Variants in BEST3 observed in about 807,000 individuals in gnomAD.
The protein encoded by BEST3 is bestrophin 3, also known as bestrophin-3.
A neutral mutation model predicts 47.1 loss-of-function variants in BEST3; 50 were observed. That is an observed-to-expected ratio of 1.06 (90% CI 0.85 to 1.34). BEST3 has a LOEUF of 1.34. Ranked by LOEUF, BEST3 falls within the 40% of genes most tolerant of loss-of-function variation. The pLI, the probability that BEST3 is intolerant of heterozygous loss-of-function variation, is 0.00. For missense variants in BEST3, 765 were observed against 817.0 expected (o/e 0.94, Z 0.78); for synonymous variants, 282 against 298.8 (o/e 0.94, Z 0.58).
chr12:69,663,940 T>C (rs1213616434), intron 9 of BEST3, among the ~76,000 whole-genome samples: 1 of 152,180 alleles, frequency 6.6e-6, no homozygotes, highest in Non-Finnish European at 1.5e-5. Context: ...GGATCCCACA[T>C]GAGATAATGG....
rs1468087856 is a variant in BEST3, at chr12:69,655,375, G to A, written c.1539C>T (p.Pro513=). Residue 513 remains proline (P), a synonymous_variant, in exon 10 of 10, where the codon CCC becomes CCT. Coordinates refer to ENST00000330891, the MANE Select transcript of BEST3 (RefSeq NM_032735.3). ...VLITAAEAPV[P]TSGGYHHDSA... is the part of the protein sequence containing the mutation. Reference sequence around the variant, plus strand: ...AATCATGGTGGTAGCCCCCTGATGTGGGCACTGGTGCTTCGGCTGCTGTGA... The same window carrying A: ...AATCATGGTGGTAGCCCCCTGATGTAGGCACTGGTGCTTCGGCTGCTGTGA... 6.2e-6 allele frequency: 10 copies of A among 1,614,062 alleles called. No homozygotes were observed. Among genetic ancestry groups the A allele is most frequent in the Non-Finnish European group, 8.5e-6 (10 of 1,180,002 alleles).
chr12:69,674,330 A>G (rs1884768634), intron 7 of BEST3, among the ~76,000 whole-genome samples: 1 of 152,148 alleles, frequency 6.6e-6, no homozygotes, highest in South Asian at 2.1e-4. Context: ...AGCTCTTAAA[A>G]AAACCCGATT....
intron 4 of BEST3, chr12:69,683,490 T>A (rs887543740): frequency 6.6e-6 from 1 of 152,196 alleles, no homozygotes; most frequent in Non-Finnish European, 1.5e-5. Flanking sequence ...TCTATTAAAG[T>A]CATTGCTCCA....
chr12:69,680,452 G>A (rs1243255687), intron 4 of BEST3, among the ~76,000 whole-genome samples: 1 of 151,764 alleles, frequency 6.6e-6, no homozygotes. Flanking sequence ...GGGACTACAG[G>A]CACCTGCCAC....
Position 69,655,595 on chromosome 12 carries a change from G to T in BEST3, c.1319C>A (p.Ser440Ter), listed in dbSNP as rs1383195606. The change falls in exon 10 of 10, where the codon TCA (serine) becomes TAA (stop). Residue 440 changes from serine (S) to a stop codon, truncating the protein, a stop_gained. Transcript: ENST00000330891. LOFTEE classifies it low-confidence loss of function (END_TRUNC). ...GGGTGAGGCCCTGGGGGGGTTTCTT[G>T]AGGGCACATCCAGTAGGTCCCTGGC... Reference protein sequence around the residue: ...SPARDLLDVPSRNPPRASPTW... With the variant: ...SPARDLLDVP 6.2e-7 allele frequency: 1 copy of T among 1,613,960 alleles called. No homozygotes were observed. Among genetic ancestry groups the T allele is most frequent in the South Asian group, 1.1e-5 (1 of 91,054 alleles).
Position 69,684,672 on chromosome 12 carries a change from A to C in BEST3, c.482-5779T>G, listed in dbSNP as rs565549615. ...CTCCAAGGGATGACACTTTTTCAGG[A>C]AGAGTGCAACGTGCCTGGCTTGTTT... On this transcript the variant is annotated intron_variant, in intron 4 of 9. Coordinates refer to ENST00000330891, the MANE Select transcript of BEST3 (RefSeq NM_032735.3). 176 of 586,856 alleles carry C rather than the reference A, an allele frequency of 3.0e-4. 2 individuals are homozygous for C. In the East Asian group the frequency reaches 4.9e-3, roughly 16 times the overall value. The allele number at this position is 586,856 out of a possible 1,614,324, so 36.4% of individuals were successfully genotyped here.
At chr12:69,664,711 A>G (rs1167831514) in intron 9 of BEST3, among the ~76,000 whole-genome samples, 1 of 147,944 alleles carries the variant, frequency 6.8e-6, no homozygotes. Flanking sequence ...ATATAAATAT[A>G]TATAATATAA....
intron 4 of BEST3, among the ~76,000 whole-genome samples, chr12:69,692,959 C>T (rs559160744): frequency 2.6e-5 from 4 of 152,272 alleles, no homozygotes; most frequent in African/African-American, 9.6e-5. Context: ...GACAGGGTTT[C>T]ACCATGTTGG....
downstream of BEST3, among the ~76,000 whole-genome samples, chr12:69,650,757 A>G (rs867966520): frequency 1.3e-5 from 2 of 152,226 alleles, no homozygotes; most frequent in Non-Finnish European, 2.9e-5. Context: ...ATGGAGACAC[A>G]TAATGGGTTA....
In BEST3 at chr12:69,694,250, T is replaced by C. The variant is rs1886047933; in HGVS notation, c.247+120A>G. 11 of 640,924 alleles carry C rather than the reference T, an allele frequency of 1.7e-5. No homozygotes were observed. In the South Asian group the frequency reaches 2.6e-4, roughly 15 times the overall value. 39.7% of individuals were successfully genotyped at this position (640,924 alleles called of 1,614,324 possible). ...AACCTTATGGATGATTCTGGTTCTA[T>C]TGCAAGCGGTGGCTTTTCAGGCATG... On this transcript the variant is annotated intron_variant, in intron 3 of 9. Coordinates refer to ENST00000330891, the MANE Select transcript of BEST3 (RefSeq NM_032735.3).
chr12:69,672,411 T>C (rs1208026292), intron 8 of BEST3, among the ~76,000 whole-genome samples: 2 of 152,224 alleles, frequency 1.3e-5, no homozygotes, highest in Non-Finnish European at 2.9e-5. Context: ...TTTAGTGCAT[T>C]TCATGCAGAT....
intron 9 of BEST3, among the ~76,000 whole-genome samples, chr12:69,658,551 A>ATT (rs1453334009): frequency 6.6e-6 from 1 of 152,226 alleles, no homozygotes; most frequent in African/African-American, 2.4e-5. Context: ...ACCCGACTAA[A>ATT]TTTATTGAGC....
intron 4 of BEST3, among the ~76,000 whole-genome samples, 179 bp from the exon 5 acceptor site, chr12:69,679,072 C>T (rs758559031): frequency 5.9e-4 from 89 of 152,044 alleles, no homozygotes; most frequent in Admixed American, 1.4e-3. Flanking sequence ...TGTGTGTGAG[C>T]GCACATGCAC....
At chr12:69,690,747 C>T (rs1330569749) in intron 4 of BEST3, among the ~76,000 whole-genome samples, 1 of 152,176 alleles carries the variant, frequency 6.6e-6, no homozygotes, top group African/African-American at 2.4e-5. Context: ...TTAGGTCTTT[C>T]TTAGAGACGG....
rs759060469 is a variant in BEST3 at position 69,655,482 on chromosome 12, T to G, written c.1432A>C (p.Thr478Pro). The change falls in exon 10 of 10, where the codon ACA (threonine) becomes CCA (proline). Residue 478 changes from threonine to proline, a missense_variant. Physicochemically the swap from Thr to Pro is conservative, Grantham distance 38 (BLOSUM62 -1). Coordinates refer to ENST00000330891, the MANE Select transcript of BEST3 (RefSeq NM_032735.3). The part of the protein sequence containing the change: ...ELSTIRETSQ[T>P]STLQSLTPQS... ...GGGGTCAGGCTCTGTAAAGTGCTTG[T>G]CTGGCTGGTCTCCCTGATGGTGGAC... The G allele has an allele frequency of 2.8e-5, 45 of 1,614,154 alleles. No homozygotes were observed. The highest frequency in any genetic ancestry group is 3.4e-5 in the Non-Finnish European group (40 of 1,180,012).
intron 9 of BEST3, among the ~76,000 whole-genome samples, chr12:69,667,537 C>T (rs935085019): frequency 2.6e-5 from 4 of 152,086 alleles, no homozygotes; most frequent in African/African-American, 9.7e-5. Context: ...CTCAACTGAT[C>T]CACCTGCCTC....
At position 69,684,993 on chromosome 12, in the gene BEST3, T is replaced by TC. The variant is rs1278280057; in HGVS notation, c.482-6101dup. On this transcript the variant is annotated intron_variant, in intron 4 of 9. Transcript: ENST00000330891. ...TGTGCTTTCTGCTGTTCTATTCTAT[T>TC]CTATTCTATTCTATTCTATTCTATT... 4.8e-5 allele frequency among the ~76,000 whole-genome samples: 7 copies of TC among 146,782 alleles called. No individual in the cohort carries two copies. In the East Asian group the frequency reaches 7.8e-4, roughly 16 times the overall value.
At chr12:69,657,496 A>G (rs1486597226) in intron 9 of BEST3, among the ~76,000 whole-genome samples, 1 of 152,150 alleles carries the variant, frequency 6.6e-6, no homozygotes, top group African/African-American at 2.4e-5. Context: ...CTCGGATTAC[A>G]TAGTTATTTG....
chr12:69,663,054 G>A (rs1609485), intron 9 of BEST3, among the ~76,000 whole-genome samples: 120,814 of 152,192 alleles, frequency 0.79, 48,208 homozygotes, highest in African/African-American at 0.87. Flanking sequence ...TTACTGTTGG[G>A]TGTTTTGATT....
Sources: gnomAD v4.1 joint callset for allele counts (sites outside exome capture counted in the v4.1 genomes callset) on GRCh38, gnomAD v4.1.1 for gene constraint, MANE v1.5 for transcripts, NCBI Gene and HGNC (gene_info 2026-07-23, HGNC 2026-07-21) for gene names.